CAMKK2: variants seen among roughly 807,000 people sequenced by gnomAD.
The protein encoded by CAMKK2 is calcium/calmodulin-dependent protein kinase kinase 2.
In CAMKK2, 30 loss-of-function variants were observed where a neutral mutation model predicts 67.2. The observed-to-expected ratio is 0.45, with a 90% confidence interval of 0.33 to 0.61. The LOEUF is 0.61. Among genes scored for constraint, CAMKK2 ranks in the 20% least tolerant of loss-of-function variants. The pLI is 0.02. For synonymous variants in CAMKK2, 322 were observed against 326.2 expected, an observed-to-expected ratio of 0.99 and a Z score of 0.14; for missense variants, 643 against 802.0, an observed-to-expected ratio of 0.80 and a Z score of 2.39.
intron 14 of CAMKK2, among the ~76,000 whole-genome samples, chr12:121,246,546 CAAA>C (rs1293336535): frequency 6.8e-6 from 1 of 146,928 alleles, no homozygotes; most frequent in Non-Finnish European, 1.5e-5. Context: ...AACTCCATCT[CAAA>C]AAAAAAAGAG....
At chr12:121,288,893 T>C (rs1316751658) in intron 1 of CAMKK2, among the ~76,000 whole-genome samples, 1 of 134,310 alleles carries the variant, frequency 7.4e-6, no homozygotes, top group Non-Finnish European at 1.6e-5. Context: ...TGGGGTGGGG[T>C]GGGGGTGGGG....
At chr12:121,276,881 T>G (rs1293412984) in intron 1 of CAMKK2, among the ~76,000 whole-genome samples, 1 of 100,556 alleles carries the variant, frequency 9.9e-6, no homozygotes, top group Non-Finnish European at 1.7e-5. Flanking sequence ...GGAGACTCCA[T>G]CTCAAAAAAA....
intron 1 of CAMKK2, among the ~76,000 whole-genome samples, chr12:121,278,508 T>G (rs778236926): frequency 6.6e-6 from 1 of 152,166 alleles, no homozygotes; most frequent in Non-Finnish European, 1.5e-5. Flanking sequence ...ATAATTCCCG[T>G]GTGTTGTGGG....
intron 1 of CAMKK2, among the ~76,000 whole-genome samples, chr12:121,294,366 T>C (rs1900718238): frequency 6.6e-6 from 1 of 152,108 alleles, no homozygotes; most frequent in Non-Finnish European, 1.5e-5. Flanking sequence ...CCCCACACTT[T>C]CCCAAATCCC....
chr12:121,268,644 A>T lies in CAMKK2; in HGVS notation c.619T>A (p.Phe207Ile). 1 of 1,614,086 alleles carries T rather than the reference A, an allele frequency of 6.2e-7. No individual in the cohort carries two copies. The highest frequency in any genetic ancestry group is 8.5e-7 in the Non-Finnish European group (1 of 1,179,956). The change falls in exon 5 of 17, where the codon TTT (phenylalanine) becomes ATT (isoleucine). Residue 207 changes from phenylalanine (F) to isoleucine (I), a missense_variant. Coordinates refer to ENST00000404169, the MANE Select transcript of CAMKK2 (RefSeq NM_001270485.2). The stretch of plus-strand genomic sequence containing the variant: ...AAAGGCCCGCCAAACTCACGTGGAA[A>T]GCCGGCCTGCCGGATCAGCTTCTTT... ...SKKKLIRQAG[F>I]PRRPPPRGTR...
rs1296418773 is a variant in CAMKK2, at chr12:121,248,786, G to A, written c.1324-52C>T. On this transcript the variant is annotated intron_variant, in intron 13 of 16. Coordinates refer to ENST00000404169, the MANE Select transcript of CAMKK2 (RefSeq NM_001270485.2). ...GGGCAGGTGTGGCTGGCTACCGGGG[G>A]GCCCTGCCAGCGAGCGGAGCCACAA... 1.9e-6 allele frequency: 3 copies of A among 1,607,812 alleles called. No individual in the cohort carries two copies. In the South Asian group the frequency reaches 3.3e-5, roughly 18 times the overall value.
chr12:121,246,733 C>T (rs1462964374), intron 14 of CAMKK2, among the ~76,000 whole-genome samples: 1 of 152,046 alleles, frequency 6.6e-6, no homozygotes, highest in Admixed American at 6.5e-5. Flanking sequence ...AGCCCCCAGC[C>T]CTTGCATCTC....
chr12:121,283,862 C>T (rs906292159), intron 1 of CAMKK2, among the ~76,000 whole-genome samples: 1 of 152,200 alleles, frequency 6.6e-6, no homozygotes, highest in African/African-American at 2.4e-5. Flanking sequence ...GAGATGCCAA[C>T]ATTTCAGAGC....
At position 121,255,573 on chromosome 12, in the gene CAMKK2, T is replaced by C. The variant is rs1483990259; in HGVS notation, c.884A>G (p.Asp295Gly). The stretch of plus-strand genomic sequence containing the variant: ...ACAGTACTCGATGCCTTTGATCAGA[T>C]CCTGGAAGTAGAAACGGGCCTGGTC... Reference protein sequence around the residue: ...SEDQARFYFQDLIKGIEYLHY... With the variant: ...SEDQARFYFQGLIKGIEYLHY... Residue 295 changes from aspartate (D) to glycine (G), a missense_variant, in exon 9 of 17, where the codon GAT (aspartate) becomes GGT (glycine). Around this residue, in one of 3 missense-constraint regions of CAMKK2, gnomAD observed 483 missense variants for 625.8 expected, o/e 0.77. Coordinates refer to ENST00000404169, the MANE Select transcript of CAMKK2 (RefSeq NM_001270485.2). The C allele has an allele frequency of 6.2e-7, 1 of 1,611,640 alleles. No homozygotes were observed. Among genetic ancestry groups the C allele is most frequent in the Non-Finnish European group, 8.5e-7 (1 of 1,179,490 alleles).
Position 121,245,098 on chromosome 12 carries a change from C to A in CAMKK2, c.1553+42G>T. The A allele has an allele frequency of 7.2e-7, 1 of 1,395,876 alleles. No homozygotes were observed. 86.5% of individuals were successfully genotyped at this position (1,395,876 alleles called of 1,614,324 possible). On this transcript the variant is annotated intron_variant, in intron 15 of 16. Coordinates refer to ENST00000404169, the MANE Select transcript of CAMKK2 (RefSeq NM_001270485.2). This position sits in a 1 kb window ranked among gnomAD's most constrained non-coding sequence, Gnocchi z 5.8. ...GCAGGGCTGCCCCAAGCCTAGCCTC[C>A]AGCCACCACTCCCCCACCCAAGAAG...
At chr12:121,244,488 G>A (rs1889013463) in intron 16 of CAMKK2, 85 bp downstream of exon 16, 2 of 1,297,754 alleles carry the variant, frequency 1.5e-6, no homozygotes, top group Middle Eastern at 2.4e-4. Flanking sequence ...ATCTGCCCGG[G>A]TGGGGATGCC....
At chr12:121,268,390 A>G (rs995766952) in intron 5 of CAMKK2, among the ~76,000 whole-genome samples, 1 of 151,918 alleles carries the variant, frequency 6.6e-6, no homozygotes, top group African/African-American at 2.4e-5. Flanking sequence ...ACTTTAATAA[A>G]TATTTTTATT....
intron 1 of CAMKK2, among the ~76,000 whole-genome samples, chr12:121,286,884 C>A (rs1351056457): frequency 2.0e-5 from 3 of 151,998 alleles, no homozygotes; most frequent in Admixed American, 6.6e-5. Flanking sequence ...GAATTCACGA[C>A]CCTCAGTTGG....
At chr12:121,288,707 A>G (rs1424308933) in intron 1 of CAMKK2, among the ~76,000 whole-genome samples, 1 of 152,010 alleles carries the variant, frequency 6.6e-6, no homozygotes, top group Non-Finnish European at 1.5e-5. Context: ...CAGAGGGGCA[A>G]CACCTTGGCC....
At chr12:121,269,268 A>G (rs1023676791) in intron 4 of CAMKK2, among the ~76,000 whole-genome samples, 4 of 152,182 alleles carry the variant, frequency 2.6e-5, no homozygotes, top group Non-Finnish European at 5.9e-5. Flanking sequence ...AATACTATGG[A>G]GGATGCAGAG....
At chr12:121,264,727 T>G (rs1894173510) in intron 5 of CAMKK2, among the ~76,000 whole-genome samples, 1 of 151,674 alleles carries the variant, frequency 6.6e-6, no homozygotes, top group African/African-American at 2.4e-5. Flanking sequence ...TGAGCCAAGA[T>G]AGCGCCACTG....
At chr12:121,242,903 C>T (rs1208585263) in intron 16 of CAMKK2, among the ~76,000 whole-genome samples, 2 of 152,104 alleles carry the variant, frequency 1.3e-5, no homozygotes, top group East Asian at 3.8e-4. Flanking sequence ...CCACCGCGCC[C>T]GGCTAATTTT....
At chr12:121,259,944 A>T (rs1893095430) in intron 7 of CAMKK2, among the ~76,000 whole-genome samples, 1 of 152,188 alleles carries the variant, frequency 6.6e-6, no homozygotes, top group South Asian at 2.1e-4. Flanking sequence ...TTAGCTGGGT[A>T]TGGTGGCCCA....
rs1453608620 is a variant in CAMKK2, at chr12:121,294,019, G to A, written c.-60+2619C>T. ...ACGATCTCAGCACACTGCAACCTCC[G>A]CCTTCCAGGTTCAAGTGATTCTCCT... On this transcript the variant is annotated intron_variant, in intron 1 of 16. Transcript: ENST00000404169. Among the ~76,000 whole-genome samples the A allele has an allele frequency of 3.3e-5, 5 of 152,096 alleles. No individual in the cohort carries two copies. The South Asian group carries it at 6.2e-4, about 19-fold the overall frequency.
Sources: allele counts gnomAD v4.1 joint callset (sites outside exome capture counted in the v4.1 genomes callset), GRCh38; gene constraint gnomAD v4.1.1; regional missense constraint gnomAD v4.1.1; non-coding constraint Gnocchi (gnomAD v3.1); transcripts MANE v1.5; gene names NCBI Gene and HGNC (gene_info 2026-07-23, HGNC 2026-07-21).